Variants in AGBL1 observed in about 807,000 individuals in gnomAD.
AGBL1 encodes AGBL carboxypeptidase 1, also known as cytosolic carboxypeptidase 4.
Under a neutral mutation model 118.9 loss-of-function variants are expected in AGBL1, and 130 were observed. The ratio of observed to expected loss-of-function variants is 1.09; its 90% CI spans 0.95 to 1.26. AGBL1 has a LOEUF of 1.26. AGBL1 is among the 50% of genes most tolerant of loss of function. AGBL1 has a pLI of 0.00. For missense variants in AGBL1, 1,584 were observed against 1,298.1 expected (o/e 1.22, Z -3.38); for synonymous variants, 555 against 478.9 (o/e 1.16, Z -2.08).
At chr15:86,860,034 T>C (rs2079539239) in intron 22 of AGBL1, among the ~76,000 whole-genome samples, 2 of 152,332 alleles carry the variant, frequency 1.3e-5, no homozygotes, top group South Asian at 4.1e-4. Flanking sequence ...AGGTCTAGTC[T>C]GATTCAATAA....
chr15:86,759,442 G>C (rs2077992126), intron 22 of AGBL1, among the ~76,000 whole-genome samples: 1 of 152,082 alleles, frequency 6.6e-6, no homozygotes, highest in South Asian at 2.1e-4. Context: ...CTTAAACAAG[G>C]TAAGCTAGGC....
At chr15:86,401,450 T>C (rs1003280304) in intron 18 of AGBL1, among the ~76,000 whole-genome samples, 1 of 152,206 alleles carries the variant, frequency 6.6e-6, no homozygotes, top group Non-Finnish European at 1.5e-5. Flanking sequence ...AGGAGCTTTT[T>C]AGTTTAATTA....
intron 22 of AGBL1, among the ~76,000 whole-genome samples, chr15:86,731,881 C>T (rs148813692): frequency 3.2e-4 from 48 of 152,268 alleles, no homozygotes; most frequent in African/African-American, 1.1e-3. Context: ...CTGGCTTGAC[C>T]GTTGATTCTG....
intron 23 of AGBL1, among the ~76,000 whole-genome samples, chr15:86,983,568 T>C (rs974796519): frequency 6.6e-6 from 1 of 152,214 alleles, no homozygotes; most frequent in Non-Finnish European, 1.5e-5. Context: ...TGTAATTATA[T>C]GCAATAAATG....
intron 5 of AGBL1, among the ~76,000 whole-genome samples, chr15:86,177,256 C>G: frequency 6.6e-6 from 1 of 152,180 alleles, no homozygotes; most frequent in East Asian, 1.9e-4. Context: ...AAACAAAAGT[C>G]CTAAATGTTT....
chr15:86,214,688 C>G (rs892867235), intron 5 of AGBL1, among the ~76,000 whole-genome samples: 1 of 152,222 alleles, frequency 6.6e-6, no homozygotes, highest in Non-Finnish European at 1.5e-5. Context: ...AAGCTTTTGT[C>G]TGAGCCCTTG....
downstream of AGBL1, among the ~76,000 whole-genome samples, chr15:86,919,612 A>C (rs886076197): frequency 6.9e-6 from 1 of 145,916 alleles, no homozygotes; most frequent in Non-Finnish European, 1.5e-5. Flanking sequence ...ACACACACAC[A>C]CCCGACTACC....
chr15:86,676,995 G>A (rs373809409), intron 22 of AGBL1, among the ~76,000 whole-genome samples: 193 of 152,118 alleles, frequency 1.3e-3, no homozygotes, highest in Non-Finnish European at 2.4e-3. Flanking sequence ...CAGCCTGGGC[G>A]ACAGAGGGAG....
chr15:86,485,948 A>G (rs1048993021), intron 18 of AGBL1, among the ~76,000 whole-genome samples: 1 of 152,042 alleles, frequency 6.6e-6, no homozygotes, highest in Non-Finnish European at 1.5e-5. Context: ...AACCCAATAC[A>G]TTAGACACTC....
At chr15:86,925,904 G>A (rs2141627308) in intron 23 of AGBL1, among the ~76,000 whole-genome samples, 1 of 151,096 alleles carries the variant, frequency 6.6e-6, no homozygotes, top group South Asian at 2.1e-4. Flanking sequence ...CTAATTTTCT[G>A]TATTCTTAAT....
At chr15:86,629,891 C>T (rs1309385891) in intron 21 of AGBL1, among the ~76,000 whole-genome samples, 1 of 152,200 alleles carries the variant, frequency 6.6e-6, no homozygotes, top group Non-Finnish European at 1.5e-5. Flanking sequence ...TTGTATGGGG[C>T]TTCTGGTCAT....
intron 22 of AGBL1, among the ~76,000 whole-genome samples, chr15:86,757,148 T>C (rs2077954188): frequency 6.6e-6 from 1 of 152,108 alleles, no homozygotes. Flanking sequence ...AGTTTATTCA[T>C]GATTAACATT....
At chr15:86,330,554 T>C (rs1486154174) in intron 17 of AGBL1, among the ~76,000 whole-genome samples, 1 of 152,208 alleles carries the variant, frequency 6.6e-6, no homozygotes, top group Non-Finnish European at 1.5e-5. Flanking sequence ...AGTGCAATAA[T>C]TCTGACACCA....
chr15:86,685,705 G>T (rs968172775), intron 22 of AGBL1, among the ~76,000 whole-genome samples: 3 of 152,064 alleles, frequency 2.0e-5, no homozygotes, highest in African/African-American at 7.2e-5. Flanking sequence ...GGTTTATGAT[G>T]CTAAATGTTT....
chr15:86,927,012 G>A (rs1176118304), intron 23 of AGBL1, among the ~76,000 whole-genome samples: 4 of 151,942 alleles, frequency 2.6e-5, no homozygotes, highest in Non-Finnish European at 2.9e-5. Flanking sequence ...GGTGGTGGGC[G>A]CCTGTAATCC....
intron 18 of AGBL1, among the ~76,000 whole-genome samples, chr15:86,501,005 A>T (rs997479665): frequency 1.3e-5 from 2 of 151,616 alleles, no homozygotes; most frequent in Non-Finnish European, 3.0e-5. Context: ...GTTCTCTTGG[A>T]TATATATCCA....
chr15:86,583,245 C>A (rs1280285424), intron 21 of AGBL1, among the ~76,000 whole-genome samples: 1 of 151,902 alleles, frequency 6.6e-6, no homozygotes, highest in Non-Finnish European at 1.5e-5. Flanking sequence ...GTTTGGGGTA[C>A]AATTCCTCCT....
intron 24 of AGBL1, among the ~76,000 whole-genome samples, chr15:87,003,590 G>A (rs1347751132): frequency 6.6e-6 from 1 of 152,128 alleles, no homozygotes; most frequent in Non-Finnish European, 1.5e-5. Flanking sequence ...GAATTCAGCT[G>A]TGAATCCATC....
At chr15:86,294,053 G>A (rs960086024) in intron 16 of AGBL1, among the ~76,000 whole-genome samples, 9 of 152,042 alleles carry the variant, frequency 5.9e-5, no homozygotes, top group African/African-American at 2.4e-5. Flanking sequence ...GCCTCTCTAT[G>A]ACTGGTGCCC....
Sources: allele counts gnomAD v4.1 joint callset (sites outside exome capture counted in the v4.1 genomes callset), GRCh38; gene constraint gnomAD v4.1.1; transcripts MANE v1.5; gene names NCBI Gene and HGNC (gene_info 2026-07-23, HGNC 2026-07-21).